RORA: variants seen among roughly 807,000 people sequenced by gnomAD.
RORA encodes the protein nuclear receptor ROR-alpha.
A neutral mutation model predicts 69.5 loss-of-function variants in RORA; 7 were observed. The ratio of observed to expected loss-of-function variants is 0.10; its 90% CI spans 0.06 to 0.19. RORA has a LOEUF of 0.19. Ranked by LOEUF, RORA falls within the 10% of genes least tolerant of loss-of-function variation. The pLI, the probability that RORA is intolerant of heterozygous loss-of-function variation, is 1.00. For missense variants in RORA, 457 were observed against 663.0 expected (o/e 0.69, Z 3.41); for synonymous variants, 261 against 240.8 (o/e 1.08, Z -0.78).
chr15:60,647,845 G>A (rs1255483406), intron 2 of RORA, among the ~76,000 whole-genome samples: 1 of 152,248 alleles, frequency 6.6e-6, no homozygotes. Context: ...GCCACCCTCA[G>A]CCTGCTGCAG....
intron 1 of RORA, among the ~76,000 whole-genome samples, chr15:60,731,036 A>C (rs2071423614): frequency 1.3e-5 from 2 of 152,032 alleles, no homozygotes; most frequent in Non-Finnish European, 2.9e-5. Context: ...ATTCTTCCTA[A>C]TCTTCTCCTT....
chr15:60,654,596 TA>T (rs1221631219), intron 2 of RORA, among the ~76,000 whole-genome samples: 1 of 152,170 alleles, frequency 6.6e-6, no homozygotes, highest in African/African-American at 2.4e-5. Context: ...TATGTTATTT[TA>T]GGCAAAAGGG....
chr15:61,066,442 T>C (rs893474355), intron 1 of RORA, among the ~76,000 whole-genome samples: 115 of 146,014 alleles, frequency 7.9e-4, no homozygotes, highest in Admixed American at 4.0e-3. Flanking sequence ...TTTTTTTTTT[T>C]TGAGATGGAG....
rs77589903 is a variant in RORA, at chr15:60,920,852, T to C, written c.167-242166A>G. 2.0e-3 allele frequency among the ~76,000 whole-genome samples: 312 copies of C among 152,352 alleles called. 1 individual carries two copies. The highest frequency in any genetic ancestry group is 7.3e-3 in the African/African-American group (302 of 41,584). On this transcript the variant is annotated intron_variant, in intron 1 of 10. Coordinates refer to ENST00000335670, the MANE Select transcript of RORA (RefSeq NM_134261.3). ...TTTGGTGTCCTGAAATGACATGCTA[T>C]TGTGTAAAACTACAGATGCAGGACA...
chr15:61,093,586 G>A (rs1453310557), intron 1 of RORA, among the ~76,000 whole-genome samples: 3 of 152,206 alleles, frequency 2.0e-5, no homozygotes, highest in South Asian at 2.1e-4. Context: ...ACCCCGATAT[G>A]GTAGTAACTA....
chr15:61,153,543 G>A (rs1350074605), intron 1 of RORA, among the ~76,000 whole-genome samples: 3 of 152,164 alleles, frequency 2.0e-5, no homozygotes, highest in Non-Finnish European at 4.4e-5. Flanking sequence ...GGGTCTGATG[G>A]CTGTTAACGG....
At chr15:60,726,332 G>A (rs1421453441) in intron 1 of RORA, among the ~76,000 whole-genome samples, 3 of 152,146 alleles carry the variant, frequency 2.0e-5, no homozygotes, top group African/African-American at 7.2e-5. Context: ...CAATGGAGAA[G>A]GAAAGTGGAA....
intron 2 of RORA, among the ~76,000 whole-genome samples, chr15:60,586,199 TG>T (rs2068329945): frequency 6.6e-6 from 1 of 152,216 alleles, no homozygotes; most frequent in South Asian, 2.1e-4. Context: ...AGCTAGCTGA[TG>T]TTATCTTTAA....
intron 2 of RORA, chr15:60,630,435 C>G (rs1178799714): frequency 1.3e-5 from 2 of 152,192 alleles, no homozygotes; most frequent in Non-Finnish European, 2.9e-5. Context: ...ATTTTTCATC[C>G]AACCTAAGTA....
intron 1 of RORA, among the ~76,000 whole-genome samples, chr15:61,072,511 A>G (rs930326962): frequency 6.6e-6 from 1 of 152,240 alleles, no homozygotes; most frequent in Non-Finnish European, 1.5e-5. Context: ...AACTACACCC[A>G]TATGACTTTC....
intron 1 of RORA, among the ~76,000 whole-genome samples, chr15:60,745,651 G>C (rs1374439378): frequency 2.0e-5 from 3 of 152,240 alleles, no homozygotes; most frequent in African/African-American, 7.2e-5. Context: ...CAACACATCT[G>C]TCTTGTTGGC....
At chr15:60,929,035 T>C (rs1595823045) in intron 1 of RORA, among the ~76,000 whole-genome samples, 1 of 152,180 alleles carries the variant, frequency 6.6e-6, no homozygotes, top group East Asian at 1.9e-4. Flanking sequence ...GCTCCCACTC[T>C]TCCCTCCTTT....
Position 60,977,884 on chromosome 15 carries a change from C to T in RORA, c.166+251169G>A, listed in dbSNP as rs555988514. On this transcript the variant is annotated intron_variant, in intron 1 of 10. Transcript: ENST00000335670. ...AGCTAATGGACATGTGGTTTGTTTC[C>T]ACTTTTTTGCTATTACAAATAATAC... Among the ~76,000 whole-genome samples, 3 of 152,228 alleles carry T rather than the reference C, an allele frequency of 2.0e-5. No homozygotes were observed. The South Asian group carries it at 6.2e-4, about 32-fold the overall frequency.
chr15:60,781,733 A>T (rs2072260924), intron 1 of RORA, among the ~76,000 whole-genome samples: 2 of 152,200 alleles, frequency 1.3e-5, no homozygotes, highest in South Asian at 4.1e-4. Flanking sequence ...AGGCATTATT[A>T]GTATAATGTT....
At chr15:60,678,634 C>T (rs778731118) in intron 2 of RORA, 23 bp downstream of exon 2, 7 of 1,594,918 alleles carry the variant, frequency 4.4e-6, no homozygotes, top group Non-Finnish European at 5.2e-6. Flanking sequence ...AAACTTTGGA[C>T]AGAAAAAAAA....
intron 1 of RORA, among the ~76,000 whole-genome samples, chr15:60,762,052 G>T (rs540209207): frequency 6.6e-6 from 1 of 152,198 alleles, no homozygotes; most frequent in Non-Finnish European, 1.5e-5. Context: ...AAACATAAGG[G>T]GAAAAATATA....
At chr15:60,887,733 T>C (rs952356824) in intron 1 of RORA, among the ~76,000 whole-genome samples, 2 of 152,196 alleles carry the variant, frequency 1.3e-5, no homozygotes, top group African/African-American at 2.4e-5. Flanking sequence ...GTTGGTTGTT[T>C]CAAAGGACTA....
chr15:61,198,562 T>C (rs2079865360), intron 1 of RORA, among the ~76,000 whole-genome samples: 1 of 151,994 alleles, frequency 6.6e-6, no homozygotes, highest in African/African-American at 2.4e-5. Context: ...TGTAGGAAAA[T>C]TCATGTCCTG....
intron 1 of RORA, among the ~76,000 whole-genome samples, chr15:60,979,611 T>C (rs1893978251): frequency 6.6e-6 from 1 of 152,196 alleles, no homozygotes; most frequent in African/African-American, 2.4e-5. Context: ...CATCACTTTC[T>C]TAATTTCATG....
Sources: allele counts gnomAD v4.1 joint callset (sites outside exome capture counted in the v4.1 genomes callset), GRCh38; gene constraint gnomAD v4.1.1; transcripts MANE v1.5; gene names NCBI Gene and HGNC (gene_info 2026-07-23, HGNC 2026-07-21).